The following TMED3 variants were observed in gnomAD, a reference collection of about 807,000 sequenced individuals.
TMED3 encodes transmembrane p24 trafficking protein 3, also known as transmembrane emp24 domain-containing protein 3.
In TMED3, 9 loss-of-function variants were observed where a neutral mutation model predicts 15.0. That is an observed-to-expected ratio of 0.60 (90% CI 0.36 to 1.04). The LOEUF (loss-of-function observed/expected upper bound fraction) is 1.04, where lower values mean the gene tolerates loss of function less well. Among genes scored for constraint, TMED3 ranks in the 50% least tolerant of loss-of-function variants. The pLI, the probability that TMED3 is intolerant of heterozygous loss-of-function variation, is 0.01. For synonymous variants in TMED3, 117 were observed against 121.4 expected (o/e 0.96, Z 0.24); for missense variants, 267 against 278.9 (o/e 0.96, Z 0.30).
chr15:79,327,766 C>A (rs184517195), downstream of TMED3, among the ~76,000 whole-genome samples: 104 of 152,370 alleles, frequency 6.8e-4, no homozygotes, highest in African/African-American at 2.4e-3. Flanking sequence ...CTTGTTGGAA[C>A]TGGCAATTCG....
chr15:79,391,496 G>T (rs1362917280), intron 2 of TMED3, among the ~76,000 whole-genome samples: 1 of 152,026 alleles, frequency 6.6e-6, no homozygotes, highest in African/African-American at 2.4e-5. Flanking sequence ...CTATCATATG[G>T]TCTATCTTGG....
chr15:79,411,679 A>G, exon 3 of TMED3: 1 of 561,496 alleles, frequency 1.8e-6, no homozygotes, highest in Admixed American at 3.0e-5. Flanking sequence ...CTCTCACCAC[A>G]GGCCTCTGGA....
chr15:79,398,511 G>A (rs550806164), intron 2 of TMED3, among the ~76,000 whole-genome samples: 9 of 152,212 alleles, frequency 5.9e-5, no homozygotes, highest in East Asian at 3.9e-4. Context: ...CAGAGAGACC[G>A]TGGTGTAGAT....
intron 2 of TMED3, among the ~76,000 whole-genome samples, chr15:79,370,598 G>A (rs1353735525): frequency 6.6e-6 from 1 of 151,944 alleles, no homozygotes; most frequent in East Asian, 1.9e-4. Context: ...GATTGATAAT[G>A]TCTCTTCATA....
At chr15:79,350,976 T>C (rs1376252293) in intron 2 of TMED3, among the ~76,000 whole-genome samples, 4 of 152,196 alleles carry the variant, frequency 2.6e-5, no homozygotes, top group African/African-American at 9.7e-5. Context: ...ATATGGGTTA[T>C]GGTCTCTTTT....
chr15:79,323,904 T>C (rs532447504), downstream of TMED3, among the ~76,000 whole-genome samples: 3 of 152,370 alleles, frequency 2.0e-5, no homozygotes, highest in South Asian at 6.2e-4. Context: ...GGAAATAATG[T>C]TGGCAATAAA....
chr15:79,392,236 G>A (rs1893705932), intron 2 of TMED3, among the ~76,000 whole-genome samples: 3 of 152,166 alleles, frequency 2.0e-5, no homozygotes, highest in African/African-American at 4.8e-5. Context: ...CTGTTTTGAT[G>A]TGTTTCCAGG....
intron 2 of TMED3, among the ~76,000 whole-genome samples, chr15:79,408,120 A>G (rs1357800255): frequency 6.6e-6 from 1 of 152,218 alleles, no homozygotes; most frequent in South Asian, 2.1e-4. Flanking sequence ...AGTCCTCAAT[A>G]TCCTGACCTT....
chr15:79,395,638 T>G (rs1187261457), intron 2 of TMED3, among the ~76,000 whole-genome samples: 1 of 152,274 alleles, frequency 6.6e-6, no homozygotes, highest in African/African-American at 2.4e-5. Context: ...AATTTTAGTT[T>G]GCCCTTTAAC....
chr15:79,359,776 A>G (rs925308413), intron 2 of TMED3, among the ~76,000 whole-genome samples: 2 of 152,206 alleles, frequency 1.3e-5, no homozygotes, highest in African/African-American at 4.8e-5. Flanking sequence ...AGCAAAAGGA[A>G]TAAGTGAGTA....
chr15:79,342,798 A>G (rs2058856277), intron 2 of TMED3, among the ~76,000 whole-genome samples: 1 of 152,198 alleles, frequency 6.6e-6, no homozygotes, highest in Non-Finnish European at 1.5e-5. Context: ...CACTGGGGAG[A>G]TAATAACATA....
At chr15:79,377,269 CAT>C (rs1491555392) in intron 2 of TMED3, among the ~76,000 whole-genome samples, 5 of 77,350 alleles carry the variant, frequency 6.5e-5, no homozygotes, top group African/African-American at 1.2e-4. Context: ...AGAGTGTGTG[CAT>C]GTGTGTGTGT....
intron 2 of TMED3, chr15:79,314,615 A>G: frequency 2.2e-6 from 1 of 452,236 alleles, no homozygotes; most frequent in East Asian, 7.0e-5. Flanking sequence ...TTAAAAGCCC[A>G]GGCCCAGTGG....
intron 2 of TMED3, among the ~76,000 whole-genome samples, chr15:79,336,822 G>A (rs908562168): frequency 1.3e-5 from 2 of 152,152 alleles, no homozygotes; most frequent in Admixed American, 6.5e-5. Flanking sequence ...AGAGTTGATC[G>A]ATTGACTTAT....
chr15:79,354,168 A>G lies in TMED3; in HGVS notation c.417+40163A>G, dbSNP rs150289506. 1.8e-3 allele frequency among the ~76,000 whole-genome samples: 272 copies of G among 152,252 alleles called. 4 individuals carry two copies. The highest frequency in any genetic ancestry group is 6.3e-3 in the African/African-American group (263 of 41,546). ...ATTAACTAGGGATGTGTAAAACTTC[A>G]TTTTGCCTGATGCAAAGTTCCCAGT... On this transcript the variant is annotated intron_variant, in intron 2 of 2. Transcript: ENST00000424155.
chr15:79,331,542 C>CAAA (rs71451761), intron 2 of TMED3, among the ~76,000 whole-genome samples: 2 of 89,252 alleles, frequency 2.2e-5, no homozygotes, highest in African/African-American at 4.9e-5. Flanking sequence ...GCAAAAGAAG[C>CAAA]AAAAAAAAAA....
rs116188211 is a variant in TMED3 at position 79,405,833 on chromosome 15, A to G, written c.418-5567A>G. Among the ~76,000 whole-genome samples, 685 of 152,368 alleles carry G rather than the reference A, an allele frequency of 4.5e-3. 3 individuals carry two copies. Among genetic ancestry groups the G allele is most frequent in the African/African-American group, 0.016 (663 of 41,596 alleles). On this transcript the variant is annotated intron_variant, in intron 2 of 2. Coordinates refer to the TMED3 transcript ENST00000424155. ...CTCTACTAAGACAGAGAGCAAAAGC[A>G]TTAACATTGCCCTAGAGCAAGGCAG...
intron 2 of TMED3, among the ~76,000 whole-genome samples, chr15:79,382,540 C>T (rs959962731): frequency 3.9e-5 from 6 of 152,200 alleles, no homozygotes; most frequent in Non-Finnish European, 8.8e-5. Context: ...GATGCCTGGC[C>T]TGCACTGGCA....
At chr15:79,359,021 G>A (rs1276535164) in intron 2 of TMED3, among the ~76,000 whole-genome samples, 2 of 152,186 alleles carry the variant, frequency 1.3e-5, no homozygotes, top group Non-Finnish European at 2.9e-5. Context: ...AAGAGAGAGT[G>A]CAGCAGCACC....
Sources: gnomAD v4.1 joint callset for allele counts (sites outside exome capture counted in the v4.1 genomes callset) on GRCh38, gnomAD v4.1.1 for gene constraint, MANE v1.5 for transcripts, NCBI Gene and HGNC (gene_info 2026-07-23, HGNC 2026-07-21) for gene names.